Variants in HCN4 observed in about 807,000 individuals in gnomAD.
HCN4 encodes the protein hyperpolarization activated cyclic nucleotide gated potassium channel 4.
In HCN4, 29 loss-of-function variants were observed where a neutral mutation model predicts 76.9. That is an observed-to-expected ratio of 0.38 (90% CI 0.28 to 0.51). The LOEUF (loss-of-function observed/expected upper bound fraction) is 0.51, where lower values mean the gene tolerates loss of function less well. Among genes scored for constraint, HCN4 ranks in the 20% least tolerant of loss-of-function variants. The pLI is 0.90. For synonymous variants in HCN4, 772 were observed against 762.5 expected (o/e 1.01, Z -0.21); for missense variants, 1,416 against 1,715.2 (o/e 0.83, Z 3.08).
At chr15:73,361,220 C>T (rs902788591) in intron 1 of HCN4, among the ~76,000 whole-genome samples, 4 of 152,188 alleles carry the variant, frequency 2.6e-5, no homozygotes, top group Non-Finnish European at 4.4e-5. Context: ...TGAGCGCCCA[C>T]GGTGACGGGG....
At chr15:73,360,584 A>C (rs1399846704) in intron 1 of HCN4, among the ~76,000 whole-genome samples, 1 of 152,214 alleles carries the variant, frequency 6.6e-6, no homozygotes. Flanking sequence ...GAGGAATGTC[A>C]AATTCCAGTT....
Position 73,368,453 on chromosome 15 carries a change from C to T in HCN4, c.-183G>A. The stretch of plus-strand genomic sequence containing the variant: ...CGCGGGGAGGATCCTAGTCCCGCTC[C>T]GAGTCCCCGGGCTCGCCGCGCTACA... On this transcript the variant is annotated 5_prime_UTR_variant, in exon 1 of 8. Transcript: ENST00000261917. The surrounding 1 kb of genome is among the most constrained non-coding windows in gnomAD (Gnocchi z 6.9). 2.6e-6 allele frequency: 1 copy of T among 384,392 alleles called. No individual in the cohort carries two copies. The highest frequency in any genetic ancestry group is 4.5e-6 in the Non-Finnish European group (1 of 221,432). 23.8% of individuals were successfully genotyped at this position (384,392 alleles called of 1,614,324 possible). A position where few individuals can be genotyped will look rare whatever the true frequency, so the allele number is the denominator to read the frequency against.
chr15:73,367,371 C>G lies in HCN4; in HGVS notation c.785+115G>C. 1 of 1,518,846 alleles carries G rather than the reference C, an allele frequency of 6.6e-7. No individual in the cohort carries two copies. Among genetic ancestry groups the G allele is most frequent in the Non-Finnish European group, 8.9e-7 (1 of 1,126,704 alleles). The allele number at this position is 1,518,846 out of a possible 1,614,324, so 94.1% of individuals were successfully genotyped here. The stretch of plus-strand genomic sequence containing the variant: ...CGGAGCCTAGAGGCGCCCTGCCTCT[C>G]TTGGAGCTCCCAGCGCAAGGCAGGA... On this transcript the variant is annotated intron_variant, in intron 1 of 7. Transcript: ENST00000261917. This position sits in a 1 kb window ranked among gnomAD's most constrained non-coding sequence, Gnocchi z 7.5.
At chr15:73,329,490 T>A (rs1285482801) in intron 4 of HCN4, 83 bp downstream of exon 4, 7 of 1,344,958 alleles carry the variant, frequency 5.2e-6, no homozygotes, top group Non-Finnish European at 7.4e-6. Flanking sequence ...CAGGGGGCGG[T>A]TCCTGCTGGG....
At chr15:73,337,394 G>C (rs1271313607) in intron 2 of HCN4, among the ~76,000 whole-genome samples, 2 of 152,126 alleles carry the variant, frequency 1.3e-5, no homozygotes, top group East Asian at 3.9e-4. Context: ...AAATGAATGA[G>C]TGGGTACCAT....
chr15:73,326,797 T>TTTATTTATTTA (rs1567772760), intron 4 of HCN4, among the ~76,000 whole-genome samples: 265 of 149,370 alleles, frequency 1.8e-3, no homozygotes, highest in African/African-American at 6.4e-3. Flanking sequence ...TTATTTATTT[T>TTTATTTATTTA]TTTTGTTAAG....
chr15:73,323,028 C>A lies in HCN4; in HGVS notation c.3065G>T (p.Arg1022Leu), dbSNP rs1205818947. 2.0e-6 allele frequency: 3 copies of A among 1,490,924 alleles called. No individual in the cohort carries two copies. The highest frequency in any genetic ancestry group is 2.8e-5 in the African/African-American group (2 of 71,266). The allele number at this position is 1,490,924 out of a possible 1,614,324, so 92.4% of individuals were successfully genotyped here. The stretch of plus-strand genomic sequence containing the variant: ...GTGGCCAGGGGGGCTGAGACCTCCT[C>A]GGGGAGTAAAGCCTACAGGGGAAGC... The part of the protein sequence containing the change: ...GGASPVGFTP[R>L]GGLSPPGHSP... The change falls in exon 8 of 8, where the codon CGA becomes CTA. Residue 1022 changes from arginine (R) to leucine (L), a missense_variant. Around this residue, in one of 6 missense-constraint regions of HCN4, gnomAD observed 633 missense variants for 579.8 expected, o/e 1.09. Transcript: ENST00000261917.
chr15:73,322,909 G>T lies in HCN4; in HGVS notation c.3184C>A (p.Pro1062Thr). ...LLLPPASSPPPPQVPQRRGTP... is the reference protein window; with the variant it reads ...LLLPPASSPPTPQVPQRRGTP... ...CCCCGGCGCTGGGGGACCTGGGGTG[G>T]TGGGGGGCTGGATGCAGGTGGCAGG... Residue 1062 changes from proline (P) to threonine (T), a missense_variant, in exon 8 of 8, where the codon CCA becomes ACA. Physicochemically the swap from Pro to Thr is conservative, Grantham distance 38 (BLOSUM62 -1). Around this residue, in one of 6 missense-constraint regions of HCN4, gnomAD observed 633 missense variants for 579.8 expected, o/e 1.09. Coordinates refer to ENST00000261917, the MANE Select transcript of HCN4 (RefSeq NM_005477.3). The T allele has an allele frequency of 2.1e-6, 3 of 1,406,210 alleles. No individual in the cohort carries two copies. The highest frequency in any genetic ancestry group is 2.8e-6 in the Non-Finnish European group (3 of 1,063,986). The allele number at this position is 1,406,210 out of a possible 1,614,324, so 87.1% of individuals were successfully genotyped here.
chr15:73,339,950 T>C (rs1043762815), intron 2 of HCN4, among the ~76,000 whole-genome samples: 3 of 152,004 alleles, frequency 2.0e-5, no homozygotes, highest in South Asian at 4.1e-4. Flanking sequence ...TCCCAGCTGG[T>C]AGGAGAGATA....
chr15:73,339,604 A>G (rs1325792161), intron 2 of HCN4, among the ~76,000 whole-genome samples: 1 of 152,252 alleles, frequency 6.6e-6, no homozygotes, highest in Non-Finnish European at 1.5e-5. Context: ...CCACAGCTTC[A>G]GAGAACATCA....
At chr15:73,332,588 T>C (rs2042939673) in intron 2 of HCN4, among the ~76,000 whole-genome samples, 2 of 152,168 alleles carry the variant, frequency 1.3e-5, no homozygotes, top group African/African-American at 2.4e-5. Context: ...TGGAGCCCCA[T>C]GCAGCCCAGA....
chr15:73,364,853 CA>C (rs199946764), intron 1 of HCN4, among the ~76,000 whole-genome samples: 1,653 of 152,328 alleles, frequency 0.011, 25 homozygotes, highest in African/African-American at 0.036. Context: ...CTTCCTCCCC[CA>C]GCAATGGGAG....
chr15:73,359,351 T>G (rs1344089831), intron 1 of HCN4, among the ~76,000 whole-genome samples: 1 of 151,976 alleles, frequency 6.6e-6, no homozygotes, highest in Non-Finnish European at 1.5e-5. Context: ...CAGAGTTGGG[T>G]GGGGAGCTGT....
At chr15:73,335,972 GA>G (rs1160898466) in intron 2 of HCN4, among the ~76,000 whole-genome samples, 3 of 152,192 alleles carry the variant, frequency 2.0e-5, no homozygotes, top group Non-Finnish European at 4.4e-5. Flanking sequence ...GGTCAGGGAG[GA>G]AAGTCTTGCC....
chr15:73,350,859 T>G (rs1480847849), intron 1 of HCN4, among the ~76,000 whole-genome samples: 1 of 152,002 alleles, frequency 6.6e-6, no homozygotes, highest in African/African-American at 2.4e-5. Flanking sequence ...AAAAAATCCC[T>G]CCCTGAACCC....
chr15:73,338,738 G>C (rs887470677), intron 2 of HCN4, among the ~76,000 whole-genome samples: 1 of 152,190 alleles, frequency 6.6e-6, no homozygotes, highest in Non-Finnish European at 1.5e-5. Flanking sequence ...TTCTCCTCAT[G>C]GAAGAACAAC....
Position 73,323,960 on chromosome 15 carries a change from G to C in HCN4, c.2144-11C>G. The C allele has an allele frequency of 6.2e-7, 1 of 1,607,086 alleles. No individual in the cohort carries two copies. The highest frequency in any genetic ancestry group is 8.5e-7 in the Non-Finnish European group (1 of 1,179,956). ...TGGAGTTCTTCTTGCCTGGGCCACA[G>C]AACAAGAACAGGCACTCAGGGCAGA... On this transcript the variant is annotated splice_polypyrimidine_tract_variant and intron_variant, in intron 7 of 7. Transcript: ENST00000261917.
At chr15:73,348,203 C>CTAAG (rs1291620082) in intron 1 of HCN4, among the ~76,000 whole-genome samples, 1 of 152,198 alleles carries the variant, frequency 6.6e-6, no homozygotes, top group East Asian at 1.9e-4. Flanking sequence ...AAGGACAAGA[C>CTAAG]TAAGGGCCCT....
chr15:73,346,595 C>G (rs1001387097), intron 1 of HCN4, among the ~76,000 whole-genome samples: 1 of 152,144 alleles, frequency 6.6e-6, no homozygotes, highest in South Asian at 2.1e-4. Context: ...CTATTTGCCT[C>G]AGTACACAGA....
Sources: allele counts gnomAD v4.1 joint callset (sites outside exome capture counted in the v4.1 genomes callset), GRCh38; gene constraint gnomAD v4.1.1; regional missense constraint gnomAD v4.1.1; non-coding constraint Gnocchi (gnomAD v3.1); transcripts MANE v1.5; gene names NCBI Gene and HGNC (gene_info 2026-07-23, HGNC 2026-07-21).